The following DMD variants were observed in gnomAD, a reference collection of about 807,000 sequenced individuals.
The protein encoded by DMD is mutant dystrophin.
DMD carries 63 observed loss-of-function variants against 330.1 expected under a neutral mutation model. That is an observed-to-expected ratio of 0.19 (90% CI 0.16 to 0.24). The LOEUF (loss-of-function observed/expected upper bound fraction) is 0.24, where lower values mean the gene tolerates loss of function less well. Ranked by LOEUF, DMD falls within the 10% of genes least tolerant of loss-of-function variation. The probability of loss-of-function intolerance (pLI) is 1.00; values close to 1 mark genes in which losing one functional copy is unlikely to be tolerated. For synonymous variants in DMD, 1,223 were observed against 959.8 expected, an observed-to-expected ratio of 1.27 and a Z score of -5.07; for missense variants, 3,344 against 2,684.1, an observed-to-expected ratio of 1.25 and a Z score of -5.43.
chrX:32,307,995 A>G (rs186893583), intron 42 of DMD, among the ~76,000 whole-genome samples: 48 of 110,171 alleles, frequency 4.4e-4, no homozygotes, highest in African/African-American at 1.5e-3. Context: ...GAAAGAAAAT[A>G]TTACTTATGT....
At chrX:32,410,428 A>T (rs150991514) in intron 30 of DMD, among the ~76,000 whole-genome samples, 1 of 112,067 alleles carries the variant, frequency 8.9e-6, no homozygotes, top group Non-Finnish European at 1.9e-5. Context: ...CAATATGGTA[A>T]ATTAACTCAT....
At position 32,362,957 on chromosome X, in the gene DMD, C is replaced by T. The variant is rs1273883368; in HGVS notation, c.5156G>A (p.Arg1719His). The T allele has an allele frequency of 1.2e-5, 14 of 1,206,640 alleles. No homozygotes were observed. Among genetic ancestry groups the T allele is most frequent in the Admixed American group, 2.2e-5 (1 of 45,431 alleles). Residue 1719 changes from arginine to histidine, a missense_variant and splice_region_variant, in exon 37 of 79, where the codon CGT becomes CAT. Transcript: ENST00000357033. The part of the protein sequence containing the change: ...KPQQKEDVLK[R>H]LKAELNDIRP... ...TATGTCATTCAGTTCTGCCTTTAAA[C>T]GCTATATTCCATGAGCAAGAGATAG... is the stretch of plus-strand genomic sequence containing the variant.
intron 44 of DMD, among the ~76,000 whole-genome samples, chrX:32,204,976 A>ATCTCTCTCTCTC (rs200970973): frequency 0.08 from 3,592 of 45,098 alleles, 248 homozygotes; most frequent in Middle Eastern, 0.2. Flanking sequence ...CATCCAAGCC[A>ATCTCTCTCTCTC]TCTCTCTCTC....
At chrX:32,269,105 C>T (rs1414774721) in intron 43 of DMD, among the ~76,000 whole-genome samples, 3 of 111,137 alleles carry the variant, frequency 2.7e-5, no homozygotes, top group Non-Finnish European at 3.8e-5. Flanking sequence ...TGGGCTCCCG[C>T]GTGCGCACTA....
rs181190544 is a variant in DMD, at chrX:33,094,385, C to T, written c.32-74185G>A. Among the ~76,000 whole-genome samples the T allele has an allele frequency of 4.7e-3, 523 of 111,078 alleles. 2 individuals are homozygous for T. Among genetic ancestry groups the T allele is most frequent in the Non-Finnish European group, 7.7e-3 (408 of 52,994 alleles). On this transcript the variant is annotated intron_variant, in intron 1 of 78. Coordinates refer to ENST00000357033, the MANE Select transcript of DMD (RefSeq NM_004006.3). Reference sequence around the variant, plus strand: ...CTTGACAAATCTTAAGAAAAAAGAGCCAGAGAAACATAGAAAGAGGGATCT... The same window carrying T: ...CTTGACAAATCTTAAGAAAAAAGAGTCAGAGAAACATAGAAAGAGGGATCT...
intron 7 of DMD, among the ~76,000 whole-genome samples, chrX:32,704,305 C>T (rs1157023812): frequency 1.1e-5 from 1 of 89,792 alleles, no homozygotes; most frequent in African/African-American, 9.1e-5. Context: ...ACAAAGTTTG[C>T]TTTCAACATG....
chrX:31,428,040 T>C (rs1316257870), intron 60 of DMD, among the ~76,000 whole-genome samples: 1 of 112,431 alleles, frequency 8.9e-6, no homozygotes, highest in Non-Finnish European at 1.9e-5. Flanking sequence ...CCCATGCATC[T>C]AAGTCAGAAT....
intron 63 of DMD, among the ~76,000 whole-genome samples, chrX:31,232,680 C>G (rs191174840): frequency 9.0e-6 from 1 of 111,678 alleles, no homozygotes; most frequent in Admixed American, 9.5e-5. Context: ...ACACCTCCCC[C>G]ACTTGGAGCC....
chrX:31,931,138 C>A (rs1157157004), intron 46 of DMD, among the ~76,000 whole-genome samples: 1 of 110,337 alleles, frequency 9.1e-6, no homozygotes, highest in African/African-American at 3.3e-5. Flanking sequence ...ATTATGTGAC[C>A]GTGTAAAATG....
chrX:31,277,869 G>A (rs2052281644), intron 62 of DMD, among the ~76,000 whole-genome samples: 1 of 110,378 alleles, frequency 9.1e-6, no homozygotes, highest in East Asian at 2.9e-4. Context: ...GGTTGGAGTG[G>A]GGAAAATGGG....
At position 31,524,204 on chromosome X, in the gene DMD, G is replaced by A. The variant is rs181213966; in HGVS notation, c.8218-16751C>T. Among the ~76,000 whole-genome samples, 181 of 111,933 alleles carry A rather than the reference G, an allele frequency of 1.6e-3. 1 individual carries two copies. The highest frequency in any genetic ancestry group is 2.3e-3 in the Admixed American group (24 of 10,569). The stretch of plus-strand genomic sequence containing the variant: ...AAAGAAGTGATAGTGCTACAGGCAG[G>A]AGTGCCCCATAATAATCTAGGGAAA... On this transcript the variant is annotated intron_variant, in intron 55 of 78. Coordinates refer to ENST00000357033, the MANE Select transcript of DMD (RefSeq NM_004006.3).
At chrX:33,041,833 A>G (rs12846167) in intron 1 of DMD, 556 of 662,137 alleles carry the variant, frequency 8.4e-4, no homozygotes, top group Non-Finnish European at 1.2e-3. Context: ...GATTGTTTTT[A>G]TCTGGTTACA....
intron 24 of DMD, 118 bp downstream of exon 24, chrX:32,464,468 T>TA (rs1157057369): frequency 4.0e-5 from 22 of 550,678 alleles, no homozygotes; most frequent in South Asian, 1.4e-4. Context: ...CTAGAAACAT[T>TA]AAAAAAAATC....
At position 31,336,271 on chromosome X, in the gene DMD, G is replaced by A. The variant is rs755590201; in HGVS notation, c.9163+12285C>T. On this transcript the variant is annotated intron_variant, in intron 61 of 78. Coordinates refer to ENST00000357033, the MANE Select transcript of DMD (RefSeq NM_004006.3). ...CAACTAGGGGCAATTTCACCCAACA[G>A]GGGACATCAGACAGACAATGTCTGG... Among the ~76,000 whole-genome samples, 303 of 74,793 alleles carry A rather than the reference G, an allele frequency of 4.1e-3. 2 individuals carry two copies. Among genetic ancestry groups the A allele is most frequent in the Middle Eastern group, 0.022 (4 of 180 alleles). 64.9% of individuals were successfully genotyped at this position (74,793 alleles called of 115,157 possible).
At chrX:31,690,507 T>A (rs1164553642) in intron 52 of DMD, among the ~76,000 whole-genome samples, 1 of 112,095 alleles carries the variant, frequency 8.9e-6, no homozygotes, top group Non-Finnish European at 1.9e-5. Flanking sequence ...AGGAACACTT[T>A]ACACTGTTAG....
intron 44 of DMD, among the ~76,000 whole-genome samples, chrX:32,096,805 C>G (rs1201751951): frequency 9.0e-6 from 1 of 111,671 alleles, no homozygotes; most frequent in Admixed American, 9.5e-5. Flanking sequence ...ATCATTAAGA[C>G]AAGCGGATTT....
At chrX:33,199,984 T>C (rs1296758265) in intron 1 of DMD, among the ~76,000 whole-genome samples, 1 of 111,680 alleles carries the variant, frequency 9.0e-6, no homozygotes, top group East Asian at 2.8e-4. Context: ...AATGAAAGCA[T>C]GCAATTAAAA....
chrX:31,841,401 A>G (rs2093316558), intron 48 of DMD, among the ~76,000 whole-genome samples: 1 of 112,085 alleles, frequency 8.9e-6, no homozygotes, highest in Non-Finnish European at 1.9e-5. Context: ...CTGATGGAGA[A>G]GCTGCAGCAA....
chrX:31,280,152 A>C lies in DMD; in HGVS notation c.9225-19136T>G, dbSNP rs761493749. ...CATGTCCTCCAGTTGCTTGTTAATA[A>C]GATAATGCTGAAATGAACAGAAAGA... On this transcript the variant is annotated intron_variant, in intron 62 of 78. Transcript: ENST00000357033. Among the ~76,000 whole-genome samples the C allele has an allele frequency of 5.3e-5, 6 of 112,240 alleles. No homozygotes were observed. The South Asian group carries it at 1.8e-3, about 34-fold the overall frequency.
Sources: gnomAD v4.1 joint callset for allele counts (sites outside exome capture counted in the v4.1 genomes callset) on GRCh38, gnomAD v4.1.1 for gene constraint, MANE v1.5 for transcripts, NCBI Gene and HGNC (gene_info 2026-07-23, HGNC 2026-07-21) for gene names.